Variants in ARID5B observed in about 807,000 individuals in gnomAD.
ARID5B encodes AT-rich interactive domain-containing protein 5B.
A neutral mutation model predicts 97.2 loss-of-function variants in ARID5B; 13 were observed. That is an observed-to-expected ratio of 0.13 (90% confidence interval 0.09 to 0.21). The LOEUF (loss-of-function observed/expected upper bound fraction) is 0.21. Ranked by LOEUF, ARID5B falls within the 10% of genes least tolerant of loss-of-function variation. The probability of loss-of-function intolerance (pLI) is 1.00; values close to 1 mark genes in which losing one functional copy is unlikely to be tolerated. For missense variants in ARID5B, 1,210 were observed against 1,465.3 expected (o/e 0.83, Z 2.84); for synonymous variants, 556 against 570.3 (o/e 0.97, Z 0.36).
At chr10:61,933,768 G>T (rs1410627603) in intron 2 of ARID5B, among the ~76,000 whole-genome samples, 3 of 152,178 alleles carry the variant, frequency 2.0e-5, no homozygotes, top group Non-Finnish European at 4.4e-5. Flanking sequence ...CATTTATAGA[G>T]CACAGAGAGC....
Position 62,050,924 on chromosome 10 carries a change from C to T in ARID5B, c.770C>T (p.Pro257Leu). 6.2e-7 allele frequency: 1 copy of T among 1,614,174 alleles called. No homozygotes were observed. Among genetic ancestry groups the T allele is most frequent in the South Asian group, 1.1e-5 (1 of 91,082 alleles). The change falls in exon 5 of 10, where the codon CCA (proline) becomes CTA (leucine). Residue 257 changes from proline (P) to leucine (L), a missense_variant. Coordinates refer to ENST00000279873, the MANE Select transcript of ARID5B (RefSeq NM_032199.3). The stretch of plus-strand genomic sequence containing the variant: ...AAAGGCAGACCACGCAAAAAGAAAC[C>T]ATGCCCACAAAGAAGAGATTCATTC... The part of the protein sequence containing the change: ...NLKGRPRKKK[P>L]CPQRRDSFSG...
At chr10:62,075,481 C>G (rs1840117894) in intron 8 of ARID5B, among the ~76,000 whole-genome samples, 1 of 152,170 alleles carries the variant, frequency 6.6e-6, no homozygotes, top group African/African-American at 2.4e-5. Context: ...TCCAGGCGCT[C>G]TTACTCTGCT....
chr10:61,974,985 A>G (rs932319952), intron 3 of ARID5B, among the ~76,000 whole-genome samples: 4 of 151,612 alleles, frequency 2.6e-5, no homozygotes, highest in African/African-American at 9.8e-5. Context: ...GAATAATAGC[A>G]TTGTTGGTAG....
intron 2 of ARID5B, among the ~76,000 whole-genome samples, chr10:61,936,842 TTC>T (rs1564606815): frequency 1.2e-4 from 4 of 34,746 alleles, no homozygotes; most frequent in Admixed American, 3.0e-4. Flanking sequence ...CCTTTTTTTC[TTC>T]CCCAAAAAAA....
chr10:61,985,670 TC>T (rs1467900961), intron 3 of ARID5B, among the ~76,000 whole-genome samples: 1 of 152,126 alleles, frequency 6.6e-6, no homozygotes, highest in Non-Finnish European at 1.5e-5. Flanking sequence ...ATATATGTAA[TC>T]GTATCATTTT....
chr10:62,031,276 C>A (rs1839494626), intron 4 of ARID5B, among the ~76,000 whole-genome samples: 1 of 152,210 alleles, frequency 6.6e-6, no homozygotes, highest in African/African-American at 2.4e-5. Flanking sequence ...TAGAGACCCA[C>A]TGAAATGTCC....
rs868646916 is a variant in ARID5B, at chr10:61,916,866, A to C, written c.276+14453A>C. Among the ~76,000 whole-genome samples, 11 of 152,316 alleles carry C rather than the reference A, an allele frequency of 7.2e-5. No individual in the cohort carries two copies. The South Asian group carries it at 2.3e-3, about 32-fold the overall frequency. On this transcript the variant is annotated intron_variant, in intron 2 of 9. Coordinates refer to ENST00000279873, the MANE Select transcript of ARID5B (RefSeq NM_032199.3). ...GGTCTTCCATTGACTGTCTAGGAAC[A>C]AGGAAGCCACAGAGGCACAGGTGTA...
intron 4 of ARID5B, among the ~76,000 whole-genome samples, chr10:62,028,344 C>G (rs1348205733): frequency 6.6e-6 from 1 of 152,104 alleles, no homozygotes; most frequent in Non-Finnish European, 1.5e-5. Context: ...GTGAGCAATC[C>G]TGTGTTAAGT....
Position 62,000,203 on chromosome 10 carries a change from G to C in ARID5B, c.615G>C (p.Gln205His), listed in dbSNP as rs748109683. Residue 205 changes from glutamine (Q) to histidine (H), a missense_variant, in exon 4 of 10, where the codon CAG (glutamine) becomes CAC (histidine). Transcript: ENST00000279873. The surrounding 1 kb of genome is among the most constrained non-coding windows in gnomAD (Gnocchi z 4.4). ...QDKPSSILTD[Q>H]FALALGGIAV... ...AGCCATCTTCCATTCTAACGGACCA[G>C]TTTGCATTGGCCCTGGGGGGCATTG... The C allele has an allele frequency of 6.2e-7, 1 of 1,614,074 alleles. No individual in the cohort carries two copies. Among genetic ancestry groups the C allele is most frequent in the Admixed American group, 1.7e-5 (1 of 60,028 alleles).
rs773884585 is a variant in ARID5B, at chr10:61,940,178, T to C, written c.277-5T>C. The C allele has an allele frequency of 1.9e-6, 3 of 1,613,882 alleles. No homozygotes were observed. Among genetic ancestry groups the C allele is most frequent in the Non-Finnish European group, 2.5e-6 (3 of 1,179,754 alleles). On this transcript the variant is annotated splice_region_variant and splice_polypyrimidine_tract_variant and intron_variant, in intron 2 of 9. Transcript: ENST00000279873. ...TTTTTGTTCTTCCCCAACCACCTCTTGTAGGATGAAGTCATTGCTGTTTCC... is the reference window on the plus strand; with the variant it reads ...TTTTTGTTCTTCCCCAACCACCTCTCGTAGGATGAAGTCATTGCTGTTTCC...
chr10:61,966,538 A>C (rs542124501), intron 3 of ARID5B, among the ~76,000 whole-genome samples: 1 of 151,708 alleles, frequency 6.6e-6, no homozygotes, highest in East Asian at 1.9e-4. Flanking sequence ...TTTTTTTTTC[A>C]CATGCTCTGA....
chr10:62,015,618 T>C (rs1839273706), intron 4 of ARID5B, among the ~76,000 whole-genome samples: 1 of 152,006 alleles, frequency 6.6e-6, no homozygotes. Flanking sequence ...TGTGAGGTTT[T>C]TTGTTGTTGT....
intron 4 of ARID5B, among the ~76,000 whole-genome samples, chr10:62,015,769 G>T (rs1428902389): frequency 6.6e-6 from 1 of 152,000 alleles, no homozygotes; most frequent in African/African-American, 2.4e-5. Flanking sequence ...GACTACAGGT[G>T]CCCACCACCA....
chr10:62,044,077 C>T (rs1217317438), intron 4 of ARID5B, among the ~76,000 whole-genome samples: 1 of 151,498 alleles, frequency 6.6e-6, no homozygotes, highest in Non-Finnish European at 1.5e-5. Flanking sequence ...CACAACTGCT[C>T]ACCCTTCCAG....
At chr10:61,928,973 C>A (rs1472996278) in intron 2 of ARID5B, among the ~76,000 whole-genome samples, 2 of 152,098 alleles carry the variant, frequency 1.3e-5, no homozygotes, top group African/African-American at 4.8e-5. Flanking sequence ...CCAAACCACC[C>A]AGGCTTCGAG....
At chr10:61,971,567 G>A (rs1263516147) in intron 3 of ARID5B, among the ~76,000 whole-genome samples, 2 of 152,228 alleles carry the variant, frequency 1.3e-5, no homozygotes, top group Non-Finnish European at 2.9e-5. Flanking sequence ...ATTAGATATT[G>A]CCATGGTGGA....
chr10:61,962,806 A>C (rs538268661), intron 3 of ARID5B, among the ~76,000 whole-genome samples: 10 of 152,340 alleles, frequency 6.6e-5, no homozygotes, highest in Admixed American at 3.3e-4. Context: ...AGTGTTAGTT[A>C]TCCGTTAAGT....
intron 2 of ARID5B, among the ~76,000 whole-genome samples, chr10:61,913,249 C>G (rs1296829435): frequency 1.3e-5 from 2 of 152,210 alleles, no homozygotes; most frequent in Admixed American, 6.5e-5. Flanking sequence ...TCTGGCTGTG[C>G]TGTCTGCCAA....
Position 62,092,025 on chromosome 10 carries a change from C to A in ARID5B, c.2562C>A (p.Ser854=), listed in dbSNP as rs145088760. ...TEHHLHNEQT[S]KYPSRDMYRE... is the part of the protein sequence containing the mutation. ...ACCATCTTCATAATGAACAGACATC[C>A]AAATACCCTTCCAGGGACATGTACA... is the stretch of plus-strand genomic sequence containing the variant. Residue 854 remains serine (S), a synonymous_variant, in exon 10 of 10, where the codon TCC becomes TCA. Transcript: ENST00000279873. 1.4e-4 allele frequency: 219 copies of A among 1,614,032 alleles called. No homozygotes were observed. Among genetic ancestry groups the A allele is most frequent in the Non-Finnish European group, 1.8e-4 (207 of 1,180,024 alleles).
Sources: gnomAD v4.1 joint callset for allele counts (sites outside exome capture counted in the v4.1 genomes callset) on GRCh38, gnomAD v4.1.1 for gene constraint, Gnocchi (gnomAD v3.1) non-coding constraint, MANE v1.5 for transcripts, NCBI Gene and HGNC (gene_info 2026-07-23, HGNC 2026-07-21) for gene names.